The following EPHA5 variants were observed in gnomAD, a reference collection of about 807,000 sequenced individuals.
EPHA5 encodes the protein ephrin type-A receptor 5.
A neutral mutation model predicts 105.0 loss-of-function variants in EPHA5; 60 were observed. That is an observed-to-expected ratio of 0.57 (90% CI 0.46 to 0.71). The LOEUF (loss-of-function observed/expected upper bound fraction) is 0.71, where lower values mean the gene tolerates loss of function less well. Among genes scored for constraint, EPHA5 ranks in the 30% least tolerant of loss-of-function variants. The pLI, the probability that EPHA5 is intolerant of heterozygous loss-of-function variation, is 0.00. For synonymous variants in EPHA5, 513 were observed against 449.1 expected (o/e 1.14, Z -1.80); for missense variants, 1,218 against 1,274.7 (o/e 0.96, Z 0.68).
At chr4:65,412,000 A>G (rs10009564) in intron 7 of EPHA5, among the ~76,000 whole-genome samples, 147,569 of 152,286 alleles carry the variant, frequency 0.97, 71,705 homozygotes, top group East Asian at 1. Context: ...AGGCCAAGGC[A>G]AGCAGATCAC....
intron 3 of EPHA5, among the ~76,000 whole-genome samples, chr4:65,523,364 G>T (rs541823248): frequency 1.3e-5 from 2 of 152,058 alleles, no homozygotes; most frequent in South Asian, 4.1e-4. Flanking sequence ...ACAAAGATCA[G>T]TACTTTTTCA....
At chr4:65,465,472 AAAG>A (rs1394944813) in intron 5 of EPHA5, among the ~76,000 whole-genome samples, 1 of 64,508 alleles carries the variant, frequency 1.6e-5, no homozygotes, top group African/African-American at 7.2e-5. Flanking sequence ...AAAGAAAAAG[AAAG>A]AAAGAAAGAA....
At chr4:65,599,298 G>A (rs937374242) in intron 3 of EPHA5, among the ~76,000 whole-genome samples, 5 of 151,226 alleles carry the variant, frequency 3.3e-5, no homozygotes, top group Admixed American at 2.0e-4. Flanking sequence ...AGAGGTTTGA[G>A]GCTAGCAGGT....
At chr4:65,440,499 TACACAC>T (rs71657410) in intron 5 of EPHA5, among the ~76,000 whole-genome samples, 89 of 143,434 alleles carry the variant, frequency 6.2e-4, no homozygotes, top group Admixed American at 1.3e-3. Context: ...TCCTAAATCT[TACACAC>T]ACACACACAC....
At chr4:65,444,682 T>C (rs758836814) in intron 5 of EPHA5, among the ~76,000 whole-genome samples, 7 of 152,144 alleles carry the variant, frequency 4.6e-5, no homozygotes, top group Non-Finnish European at 1.0e-4. Flanking sequence ...ACATTTTATT[T>C]ATTTTTTTGC....
intron 5 of EPHA5, among the ~76,000 whole-genome samples, chr4:65,471,780 C>T (rs187948307): frequency 6.6e-6 from 1 of 152,230 alleles, no homozygotes; most frequent in East Asian, 1.9e-4. Flanking sequence ...CCAATCACCT[C>T]CCACCTGCTC....
rs371159705 is a variant in EPHA5, at chr4:65,327,223, A to T, written c.2946-3004T>A. On this transcript the variant is annotated intron_variant, in intron 16 of 16. Coordinates refer to ENST00000613740, the MANE Select transcript of EPHA5 (RefSeq NM_001281766.3). ...ATTGTTTGAGTTTATTGAAAAATGA[A>T]ATCTGTACTTTGTCAGAACATTTCA... Among the ~76,000 whole-genome samples the T allele has an allele frequency of 4.0e-5, 6 of 151,356 alleles. No individual in the cohort carries two copies. The South Asian group carries it at 1.2e-3, about 31-fold the overall frequency.
At chr4:65,443,148 G>A (rs1028211204) in intron 5 of EPHA5, among the ~76,000 whole-genome samples, 1 of 152,018 alleles carries the variant, frequency 6.6e-6, no homozygotes. Flanking sequence ...GTAGTATCCT[G>A]GGGTTTGCCC....
intron 5 of EPHA5, among the ~76,000 whole-genome samples, chr4:65,421,290 T>G (rs1055743582): frequency 6.6e-6 from 1 of 152,004 alleles, no homozygotes; most frequent in Non-Finnish European, 1.5e-5. Context: ...AATATTTGAG[T>G]CAAAGTTCTT....
At chr4:65,396,479 C>G (rs936602479) in intron 8 of EPHA5, among the ~76,000 whole-genome samples, 4 of 152,158 alleles carry the variant, frequency 2.6e-5, no homozygotes, top group Non-Finnish European at 5.9e-5. Context: ...TCGGTACGAC[C>G]TTTGTATCTC....
In EPHA5 at chr4:65,331,965, T is replaced by C. The variant is rs1375720750; in HGVS notation, c.2945+8A>G. 2.6e-6 allele frequency: 4 copies of C among 1,567,148 alleles called. No individual in the cohort carries two copies. The Admixed American group carries it at 8.3e-5, about 33-fold the overall frequency. On this transcript the variant is annotated splice_region_variant and intron_variant, in intron 16 of 16. Transcript: ENST00000613740. ...AATTATGTAAAAATTATCAGAAAAATTACTCACTCCAAGGTCACCTGAGCC... is the reference window on the plus strand; with the variant it reads ...AATTATGTAAAAATTATCAGAAAAACTACTCACTCCAAGGTCACCTGAGCC...
intron 8 of EPHA5, among the ~76,000 whole-genome samples, chr4:65,373,053 C>T (rs576690838): frequency 4.0e-5 from 6 of 151,878 alleles, no homozygotes; most frequent in African/African-American, 1.4e-4. Context: ...AAAATTAATT[C>T]TCCCTGTTTT....
At chr4:65,561,287 C>T (rs1738986361) in intron 3 of EPHA5, among the ~76,000 whole-genome samples, 1 of 152,046 alleles carries the variant, frequency 6.6e-6, no homozygotes, top group African/African-American at 2.4e-5. Context: ...TGTCTATACT[C>T]ATGACAGCAG....
At chr4:65,397,757 T>C (rs1281614241) in intron 8 of EPHA5, among the ~76,000 whole-genome samples, 1 of 152,172 alleles carries the variant, frequency 6.6e-6, no homozygotes, top group Non-Finnish European at 1.5e-5. Context: ...TGATGGCTCC[T>C]TTCTTACCAG....
chr4:65,491,080 A>T (rs1391529373), intron 4 of EPHA5, among the ~76,000 whole-genome samples: 1 of 152,064 alleles, frequency 6.6e-6, no homozygotes, highest in African/African-American at 2.4e-5. Context: ...CATTGGTGCT[A>T]ATCCCTGCAA....
intron 3 of EPHA5, among the ~76,000 whole-genome samples, chr4:65,503,317 G>C (rs1732676623): frequency 1.3e-5 from 2 of 151,688 alleles, no homozygotes; most frequent in African/African-American, 4.8e-5. Flanking sequence ...CAGTATGAAA[G>C]TTGTTATTAG....
At chr4:65,534,574 C>CCT (rs1736116806) in intron 3 of EPHA5, among the ~76,000 whole-genome samples, 2 of 152,174 alleles carry the variant, frequency 1.3e-5, no homozygotes. Context: ...CCTAAGGTAA[C>CCT]TGGGCAGACA....
In EPHA5 at chr4:65,419,200, A is replaced by C. The variant is rs537848172; in HGVS notation, c.1527+1241T>G. On this transcript the variant is annotated intron_variant, in intron 6 of 16. Coordinates refer to ENST00000613740, the MANE Select transcript of EPHA5 (RefSeq NM_001281766.3). ...CACCCGGCCCTAAACTCTTTTATCTATGCATGTATATATGTATATATATAG... is the reference window on the plus strand; with the variant it reads ...CACCCGGCCCTAAACTCTTTTATCTCTGCATGTATATATGTATATATATAG... Among the ~76,000 whole-genome samples the C allele has an allele frequency of 7.9e-5, 12 of 152,090 alleles. No homozygotes were observed. In the South Asian group the frequency reaches 2.5e-3, roughly 32 times the overall value.
chr4:65,421,413 A>T (rs1277172898), intron 5 of EPHA5, among the ~76,000 whole-genome samples: 1 of 152,150 alleles, frequency 6.6e-6, no homozygotes, highest in South Asian at 2.1e-4. Context: ...AAGTACTAAC[A>T]TTACTGAAAT....
Sources: gnomAD v4.1 joint callset for allele counts (sites outside exome capture counted in the v4.1 genomes callset) on GRCh38, gnomAD v4.1.1 for gene constraint, MANE v1.5 for transcripts, NCBI Gene and HGNC (gene_info 2026-07-23, HGNC 2026-07-21) for gene names.